Variants in TAFA1 observed in about 807,000 individuals in gnomAD.
TAFA1 encodes the protein chemokine-like protein TAFA-1.
Under a neutral mutation model 18.5 loss-of-function variants are expected in TAFA1, and 4 were observed. That is an observed-to-expected ratio of 0.22 (90% CI 0.11 to 0.49). TAFA1 has a LOEUF of 0.49. Ranked by LOEUF, TAFA1 falls within the 20% of genes least tolerant of loss-of-function variation. The pLI is 0.98. For synonymous variants in TAFA1, 56 were observed against 55.2 expected (o/e 1.01, Z -0.06); for missense variants, 147 against 169.0 (o/e 0.87, Z 0.72).
chr3:68,443,498 A>C (rs916713999), intron 3 of TAFA1, among the ~76,000 whole-genome samples: 3 of 147,132 alleles, frequency 2.0e-5, no homozygotes, highest in African/African-American at 7.7e-5. Flanking sequence ...AAAAAAAAAC[A>C]AAAAAAAAGA....
At chr3:68,208,956 G>A (rs1234270952) in intron 2 of TAFA1, among the ~76,000 whole-genome samples, 1 of 151,992 alleles carries the variant, frequency 6.6e-6, no homozygotes, top group East Asian at 1.9e-4. Flanking sequence ...ATTCCACACT[G>A]CAGAGATGTC....
At chr3:68,087,136 G>A (rs1327927648) in intron 2 of TAFA1, among the ~76,000 whole-genome samples, 1 of 152,116 alleles carries the variant, frequency 6.6e-6, no homozygotes. Context: ...CTGTTGTACA[G>A]GAATTGCATT....
chr3:68,087,282 T>G (rs976437661), intron 2 of TAFA1, among the ~76,000 whole-genome samples: 1 of 152,186 alleles, frequency 6.6e-6, no homozygotes, highest in Admixed American at 6.5e-5. Context: ...TTTTTGTTGG[T>G]GGTGGTAGTG....
At chr3:68,110,412 A>G (rs553616452) in intron 2 of TAFA1, among the ~76,000 whole-genome samples, 4 of 152,250 alleles carry the variant, frequency 2.6e-5, no homozygotes, top group Admixed American at 2.6e-4. Context: ...TGTTTCTTCT[A>G]TTGTGAATAG....
chr3:68,253,361 T>G (rs1316149982), intron 2 of TAFA1, among the ~76,000 whole-genome samples: 2 of 152,148 alleles, frequency 1.3e-5, no homozygotes, highest in East Asian at 3.9e-4. Context: ...TCCCAGATGG[T>G]TTTCCCAAAT....
At chr3:68,486,152 A>T (rs1016345805) in intron 3 of TAFA1, among the ~76,000 whole-genome samples, 12 of 145,894 alleles carry the variant, frequency 8.2e-5, no homozygotes, top group African/African-American at 3.1e-4. Context: ...ATTTTGGTAG[A>T]GATAGGGTCT....
intron 3 of TAFA1, among the ~76,000 whole-genome samples, chr3:68,453,177 G>A (rs2071596089): frequency 6.6e-6 from 1 of 152,136 alleles, no homozygotes; most frequent in Non-Finnish European, 1.5e-5. Flanking sequence ...GAATGATGGG[G>A]TTTGAGTAGG....
intron 2 of TAFA1, among the ~76,000 whole-genome samples, chr3:68,226,472 C>T (rs1291520197): frequency 6.6e-6 from 1 of 152,052 alleles, no homozygotes; most frequent in African/African-American, 2.4e-5. Flanking sequence ...CTCACATACT[C>T]CCATGTCTGT....
intron 2 of TAFA1, among the ~76,000 whole-genome samples, chr3:68,137,244 T>TA (rs879423499): frequency 1.0e-3 from 152 of 145,434 alleles, no homozygotes; most frequent in Non-Finnish European, 1.8e-3. Context: ...GATGTCCTGC[T>TA]TTTTTTTTTT....
At position 68,286,391 on chromosome 3, in the gene TAFA1, C is replaced by T. The variant is rs138595273; in HGVS notation, c.119-130889C>T. ...ACAGGAGCTCCTCACTGAAGTCTAG[C>T]GTGGAGAGAAAGATGTCAGGCTCTC... is the stretch of plus-strand genomic sequence containing the variant. On this transcript the variant is annotated intron_variant, in intron 2 of 4. Coordinates refer to ENST00000478136, the MANE Select transcript of TAFA1 (RefSeq NM_213609.4). 5.1e-3 allele frequency among the ~76,000 whole-genome samples: 770 copies of T among 152,036 alleles called. 3 individuals carry two copies. Among genetic ancestry groups the T allele is most frequent in the African/African-American group, 0.017 (693 of 41,446 alleles).
At chr3:68,033,159 A>T (rs910631441) in intron 2 of TAFA1, among the ~76,000 whole-genome samples, 4 of 152,136 alleles carry the variant, frequency 2.6e-5, no homozygotes, top group African/African-American at 9.7e-5. Flanking sequence ...ATCTCTGGTA[A>T]TTTTCCACGT....
chr3:68,166,899 G>A (rs1231554566), intron 2 of TAFA1, among the ~76,000 whole-genome samples: 1 of 152,120 alleles, frequency 6.6e-6, no homozygotes, highest in Non-Finnish European at 1.5e-5. Context: ...CAGTAGACAT[G>A]CAGTAAATAT....
At chr3:68,456,957 A>T (rs2071678219) in intron 3 of TAFA1, among the ~76,000 whole-genome samples, 1 of 152,200 alleles carries the variant, frequency 6.6e-6, no homozygotes, top group South Asian at 2.1e-4. Flanking sequence ...TATGGGTCCC[A>T]TGGTGTTATC....
chr3:68,399,493 C>T (rs1242144044), intron 2 of TAFA1, among the ~76,000 whole-genome samples: 2 of 152,082 alleles, frequency 1.3e-5, no homozygotes, highest in Non-Finnish European at 2.9e-5. Context: ...TTGGACTTCA[C>T]CTTCAGTAGA....
At chr3:68,127,096 A>T (rs2065473011) in intron 2 of TAFA1, among the ~76,000 whole-genome samples, 1 of 152,216 alleles carries the variant, frequency 6.6e-6, no homozygotes, top group Non-Finnish European at 1.5e-5. Flanking sequence ...CTGTAAACTC[A>T]TGAATAATCT....
chr3:68,158,572 AG>A (rs1209694361), intron 2 of TAFA1, among the ~76,000 whole-genome samples: 1 of 151,992 alleles, frequency 6.6e-6, no homozygotes, highest in Non-Finnish European at 1.5e-5. Flanking sequence ...TTTCAGGGTT[AG>A]GAAACATTAG....
chr3:68,333,117 A>C (rs1260529950), intron 2 of TAFA1, among the ~76,000 whole-genome samples: 1 of 152,222 alleles, frequency 6.6e-6, no homozygotes, highest in East Asian at 1.9e-4. Context: ...AACTTAAAAC[A>C]GAATTATCGT....
At chr3:68,195,253 T>G (rs1207856729) in intron 2 of TAFA1, among the ~76,000 whole-genome samples, 1 of 150,578 alleles carries the variant, frequency 6.6e-6, no homozygotes, top group African/African-American at 2.4e-5. Context: ...AATTTCTTTC[T>G]AAATCCTTAA....
chr3:68,229,503 T>C (rs2066844566), intron 2 of TAFA1, among the ~76,000 whole-genome samples: 1 of 152,222 alleles, frequency 6.6e-6, no homozygotes, highest in Non-Finnish European at 1.5e-5. Flanking sequence ...AGGCACTGTT[T>C]TGTTTTGGAG....
Sources: allele counts gnomAD v4.1 joint callset (sites outside exome capture counted in the v4.1 genomes callset), GRCh38; gene constraint gnomAD v4.1.1; transcripts MANE v1.5; gene names NCBI Gene and HGNC (gene_info 2026-07-23, HGNC 2026-07-21).